Variants in PPFIA2 observed in about 807,000 individuals in gnomAD.
PPFIA2 encodes the protein liprin-alpha-2.
Under a neutral mutation model 175.5 loss-of-function variants are expected in PPFIA2, and 46 were observed. That is an observed-to-expected ratio of 0.26 (90% CI 0.21 to 0.34). The LOEUF (loss-of-function observed/expected upper bound fraction) is 0.34, where lower values mean the gene tolerates loss of function less well. PPFIA2 is among the 10% of genes least tolerant of loss of function. The pLI, the probability that PPFIA2 is intolerant of heterozygous loss-of-function variation, is 1.00. For missense variants in PPFIA2, 1,179 were observed against 1,506.1 expected (o/e 0.78, Z 3.60); for synonymous variants, 568 against 511.4 (o/e 1.11, Z -1.49).
intron 7 of PPFIA2, among the ~76,000 whole-genome samples, chr12:81,415,434 T>G (rs1012184716): frequency 1.5e-4 from 22 of 149,148 alleles, no homozygotes; most frequent in Non-Finnish European, 2.5e-4. Context: ...AAATGCACAT[T>G]ACCAGTAAGT....
At chr12:81,340,672 C>T (rs1274674181) in intron 20 of PPFIA2, among the ~76,000 whole-genome samples, 5 of 152,026 alleles carry the variant, frequency 3.3e-5, no homozygotes, top group Non-Finnish European at 7.4e-5. Context: ...TACCTGTCTG[C>T]TAAAAGGCAC....
chr12:81,483,685 T>G (rs548268694), intron 4 of PPFIA2, among the ~76,000 whole-genome samples: 83 of 152,220 alleles, frequency 5.5e-4, no homozygotes, highest in African/African-American at 1.8e-3. Flanking sequence ...CTATTTTTTT[T>G]TCTTAATACA....
intron 27 of PPFIA2, among the ~76,000 whole-genome samples, chr12:81,279,855 G>A (rs559570982): frequency 6.6e-6 from 1 of 152,200 alleles, no homozygotes; most frequent in South Asian, 2.1e-4. Flanking sequence ...ACACTACAAG[G>A]CAGCTGAGAG....
intron 3 of PPFIA2, among the ~76,000 whole-genome samples, chr12:81,709,608 G>C (rs1440859685): frequency 1.3e-5 from 2 of 151,720 alleles, no homozygotes; most frequent in South Asian, 4.2e-4. Context: ...CTATTTGCTA[G>C]CAAGGTTTTT....
At chr12:81,675,076 T>C (rs988813356) in intron 4 of PPFIA2, among the ~76,000 whole-genome samples, 13 of 151,856 alleles carry the variant, frequency 8.6e-5, no homozygotes, top group African/African-American at 2.9e-4. Context: ...AAGTATAAAA[T>C]AACCATCATG....
At chr12:81,262,148 G>T in intron 31 of PPFIA2, 108 bp from the exon 32 acceptor site, 3 of 752,016 alleles carry the variant, frequency 4.0e-6, no homozygotes, top group Non-Finnish European at 6.8e-6. Context: ...CATATTAGTA[G>T]ACCTTCTTTC....
intron 8 of PPFIA2, among the ~76,000 whole-genome samples, chr12:81,389,125 TTA>T (rs61254401): frequency 0.18 from 26,702 of 144,772 alleles, 2,444 homozygotes; most frequent in Middle Eastern, 0.24. Context: ...ATTCAATATT[TTA>T]TATATATATA....
chr12:81,438,339 A>G (rs1225892128), intron 7 of PPFIA2, among the ~76,000 whole-genome samples: 3 of 152,116 alleles, frequency 2.0e-5, no homozygotes, highest in Non-Finnish European at 2.9e-5. Flanking sequence ...GTGGTGGCAC[A>G]TGCCCGTAAT....
At chr12:81,512,266 T>C in intron 4 of PPFIA2, 1 of 1,265,430 alleles carries the variant, frequency 7.9e-7, no homozygotes, top group South Asian at 1.2e-5. Flanking sequence ...AAACACCTCA[T>C]GCTGACACAA....
chr12:81,303,100 A>G (rs2048269079), intron 22 of PPFIA2, among the ~76,000 whole-genome samples: 1 of 152,156 alleles, frequency 6.6e-6, no homozygotes, highest in Non-Finnish European at 1.5e-5. Flanking sequence ...CAACCTGTCA[A>G]TGTATGTAAA....
At chr12:81,460,348 G>A (rs2054308644) in intron 4 of PPFIA2, among the ~76,000 whole-genome samples, 1 of 152,048 alleles carries the variant, frequency 6.6e-6, no homozygotes, top group African/African-American at 2.4e-5. Context: ...CACCATGATT[G>A]TGTGGCCTCC....
At chr12:81,346,511 T>C (rs868106774) in intron 18 of PPFIA2, among the ~76,000 whole-genome samples, 44 of 148,988 alleles carry the variant, frequency 3.0e-4, no homozygotes, top group Middle Eastern at 3.6e-3. Flanking sequence ...ATACATATAT[T>C]ACATATTAAT....
intron 4 of PPFIA2, among the ~76,000 whole-genome samples, chr12:81,466,871 T>C (rs1366182550): frequency 6.8e-6 from 1 of 147,158 alleles, no homozygotes; most frequent in Non-Finnish European, 1.5e-5. Context: ...ATATAATTTT[T>C]AATATATATA....
rs760736864 is a variant in PPFIA2, at chr12:81,294,856, T to C, written c.2904A>G (p.Ser968=). The part of the protein sequence containing the change: ...IQEMVSLTSP[S]APPTSRTPSG... Reference sequence around the variant, plus strand: ...TCACAGTTCGAGATGTTGGAGGAGCTGAAGGACTTGTTAGGGAAACCATCT... The same window carrying C: ...TCACAGTTCGAGATGTTGGAGGAGCCGAAGGACTTGTTAGGGAAACCATCT... The change falls in exon 24 of 33, where the codon TCA becomes TCG. Residue 968 remains serine, a synonymous_variant. Coordinates refer to ENST00000549396, the MANE Select transcript of PPFIA2 (RefSeq NM_003625.5). The C allele has an allele frequency of 1.9e-6, 3 of 1,613,200 alleles. No individual in the cohort carries two copies. Among genetic ancestry groups the C allele is most frequent in the African/African-American group, 1.3e-5 (1 of 75,012 alleles).
chr12:81,542,734 A>T (rs1044256259), intron 4 of PPFIA2, among the ~76,000 whole-genome samples: 6 of 152,138 alleles, frequency 3.9e-5, no homozygotes, highest in African/African-American at 1.4e-4. Flanking sequence ...TAAATCTTTT[A>T]AACAGCCTCT....
intron 4 of PPFIA2, among the ~76,000 whole-genome samples, chr12:81,533,515 T>C (rs902610912): frequency 2.6e-5 from 4 of 151,610 alleles, no homozygotes; most frequent in Non-Finnish European, 5.9e-5. Context: ...TTTCCACAAC[T>C]TGAAATTTTC....
intron 4 of PPFIA2, among the ~76,000 whole-genome samples, chr12:81,552,312 T>G (rs1218881782): frequency 6.6e-6 from 1 of 151,886 alleles, no homozygotes; most frequent in Non-Finnish European, 1.5e-5. Context: ...GTAAATTATT[T>G]CATATTACAT....
chr12:81,639,306 T>C (rs2064602329), intron 4 of PPFIA2, among the ~76,000 whole-genome samples: 1 of 152,048 alleles, frequency 6.6e-6, no homozygotes, highest in Admixed American at 6.5e-5. Flanking sequence ...TAGATCAAAT[T>C]TCCAAATACC....
intron 14 of PPFIA2, among the ~76,000 whole-genome samples, chr12:81,364,291 A>G (rs1281599485): frequency 6.6e-6 from 1 of 151,874 alleles, no homozygotes; most frequent in Non-Finnish European, 1.5e-5. Flanking sequence ...CAGGAATGGT[A>G]GTCCTAAAAG....
Sources: allele counts gnomAD v4.1 joint callset (sites outside exome capture counted in the v4.1 genomes callset), GRCh38; gene constraint gnomAD v4.1.1; transcripts MANE v1.5; gene names NCBI Gene and HGNC (gene_info 2026-07-23, HGNC 2026-07-21).